Variants in PCP2 observed in about 807,000 individuals in gnomAD.
PCP2 encodes Purkinje cell protein 2.
In PCP2, 21 loss-of-function variants were observed where a neutral mutation model predicts 18.3. The ratio of observed to expected loss-of-function variants is 1.14; its 90% CI spans 0.81 to 1.65. The LOEUF (loss-of-function observed/expected upper bound fraction) is 1.65. Among genes scored for constraint, PCP2 ranks in the 40% most tolerant of loss-of-function variants. PCP2 has a pLI of 0.00. For synonymous variants in PCP2, 85 were observed against 77.6 expected (o/e 1.10, Z -0.50); for missense variants, 202 against 201.8 (o/e 1.00, Z 0.00).
rs2031427070 is a variant in PCP2 at position 7,633,600 on chromosome 19, C to G, written c.-143G>C. ...CATGCCCCATCTGCTCCCACCCAAG[C>G]TTAAGCCCCATAAAGATCATCCAGA... On this transcript the variant is annotated 5_prime_UTR_variant, in exon 1 of 4. Coordinates refer to ENST00000311069, the MANE Select transcript of PCP2 (RefSeq NM_174895.3). The G allele has an allele frequency of 2.7e-6, 2 of 737,958 alleles. No individual in the cohort carries two copies. The highest frequency in any genetic ancestry group is 4.5e-6 in the Non-Finnish European group (2 of 443,012). The allele number at this position is 737,958 out of a possible 1,614,324, so 45.7% of individuals were successfully genotyped here.
Position 7,632,850 on chromosome 19 carries a change from G to A in PCP2, c.52-20C>T. 1.3e-6 allele frequency: 2 copies of A among 1,542,944 alleles called. No homozygotes were observed. Among genetic ancestry groups the A allele is most frequent in the Non-Finnish European group, 8.7e-7 (1 of 1,146,620 alleles). ...GCCCGCCTGGGGACAGACTCGCTCA[G>A]TCTGGTTGGCCCTTCAGCTTGGGGG... On this transcript the variant is annotated intron_variant, in intron 1 of 3. Coordinates refer to ENST00000311069, the MANE Select transcript of PCP2 (RefSeq NM_174895.3). This position sits in a 1 kb window ranked among gnomAD's most constrained non-coding sequence, Gnocchi z 5.2.
chr19:7,635,940 G>A (rs894428428), upstream of PCP2, among the ~76,000 whole-genome samples: 2 of 152,018 alleles, frequency 1.3e-5, no homozygotes, highest in Non-Finnish European at 2.9e-5. Flanking sequence ...TCTTAAGCTC[G>A]GGGCTCCTCC....
Position 7,632,488 on chromosome 19 carries a change from G to A in PCP2, c.196C>T (p.Leu66Phe), listed in dbSNP as rs752525451. ...QSDPTPEMDS[L>F]MDMLASTQGR... ...TGGGTACTGGCCAGCATGTCCATGA[G>A]GCTGTCCATCTCGGGGGTGGGGTCG... The change falls in exon 3 of 4, where the codon CTC (leucine) becomes TTC (phenylalanine). Residue 66 changes from leucine (L) to phenylalanine (F), a missense_variant. Leu to Phe is a conservative substitution (Grantham distance 22, BLOSUM62 0). Transcript: ENST00000311069. The surrounding 1 kb of genome is among the most constrained non-coding windows in gnomAD (Gnocchi z 5.2). 5 of 1,613,744 alleles carry A rather than the reference G, an allele frequency of 3.1e-6. No homozygotes were observed. The highest frequency in any genetic ancestry group is 2.5e-6 in the Non-Finnish European group (3 of 1,179,958).
At position 7,632,587 on chromosome 19, in the gene PCP2, CCA is replaced by C; in HGVS notation, c.167-72_167-71del. 2 of 1,598,626 alleles carry C rather than the reference CCA, an allele frequency of 1.3e-6. No individual in the cohort carries two copies. Among genetic ancestry groups the C allele is most frequent in the Non-Finnish European group, 1.7e-6 (2 of 1,173,546 alleles). ...GGCCCCCAACCCTACCCCTTCACCC[CCA>C]CACAGATGCTTCAGGGTGCACAACC... On this transcript the variant is annotated intron_variant, in intron 2 of 3. Coordinates refer to ENST00000311069, the MANE Select transcript of PCP2 (RefSeq NM_174895.3). This position sits in a 1 kb window ranked among gnomAD's most constrained non-coding sequence, Gnocchi z 5.2.
Position 7,632,604 on chromosome 19 carries a change from G to C in PCP2, c.167-87C>G. On this transcript the variant is annotated intron_variant, in intron 2 of 3. Transcript: ENST00000311069. This position sits in a 1 kb window ranked among gnomAD's most constrained non-coding sequence, Gnocchi z 5.2. Reference sequence around the variant, plus strand: ...CTTCACCCCCACACAGATGCTTCAGGGTGCACAACCACCTCCCACATCCCG... The same window carrying C: ...CTTCACCCCCACACAGATGCTTCAGCGTGCACAACCACCTCCCACATCCCG... 6 of 1,591,190 alleles carry C rather than the reference G, an allele frequency of 3.8e-6. No individual in the cohort carries two copies. Among genetic ancestry groups the C allele is most frequent in the Non-Finnish European group, 5.1e-6 (6 of 1,170,372 alleles).
In PCP2 at chr19:7,632,427, C is replaced by T. The variant is rs375915925; in HGVS notation, c.257G>A (p.Ser86Asn). 1 of 1,613,878 alleles carries T rather than the reference C, an allele frequency of 6.2e-7. No homozygotes were observed. Among genetic ancestry groups the T allele is most frequent in the African/African-American group, 1.3e-5 (1 of 74,906 alleles). Residue 86 changes from serine to asparagine, a missense_variant, in exon 3 of 4, where the codon AGC (serine) becomes AAC (asparagine). Ser to Asn is a conservative substitution (Grantham distance 46). Transcript: ENST00000311069. The surrounding 1 kb of genome is among the most constrained non-coding windows in gnomAD (Gnocchi z 5.2). ...RRMDDQRVTV[S>N]SLPGFQPVGS... ...CACGGGCTGGAAGCCGGGCAGGCTG[C>T]TGACTGTCACACGTTGGTCATCCAT...
rs1599380426 is a variant in PCP2, at chr19:7,632,629, G to A, written c.166+87C>T. On this transcript the variant is annotated intron_variant, in intron 2 of 3. Coordinates refer to ENST00000311069, the MANE Select transcript of PCP2 (RefSeq NM_174895.3). This position sits in a 1 kb window ranked among gnomAD's most constrained non-coding sequence, Gnocchi z 5.2. The stretch of plus-strand genomic sequence containing the variant: ...GGTGCACAACCACCTCCCACATCCC[G>A]TGCCCCCAGGCCCTCCAGATGACCA... The A allele has an allele frequency of 6.3e-6, 10 of 1,576,146 alleles. No homozygotes were observed. In the African/African-American group the frequency reaches 6.7e-5, roughly 11 times the overall value.
rs1208727647 is a variant in PCP2, at chr19:7,632,120, A to AG, written c.291+272dup. On this transcript the variant is annotated intron_variant, in intron 3 of 3. Coordinates refer to ENST00000311069, the MANE Select transcript of PCP2 (RefSeq NM_174895.3). The surrounding 1 kb of genome is among the most constrained non-coding windows in gnomAD (Gnocchi z 5.2). ...TCCTCCCTGGGATACTTTCCTAGGA[A>AG]GGGGTCCTATTTTCTCCCTTTGGCC... The AG allele has an allele frequency of 1.7e-6, 1 of 574,168 alleles. No individual in the cohort carries two copies. The highest frequency in any genetic ancestry group is 2.9e-5 in the East Asian group (1 of 34,208). The allele number at this position is 574,168 out of a possible 1,614,324, so 35.6% of individuals were successfully genotyped here.
At chr19:7,636,267 C>T (rs2031529363), upstream of PCP2, 1 of 152,170 alleles carries the variant, frequency 6.6e-6, no homozygotes, top group Non-Finnish European at 1.5e-5. Context: ...ACACATACCT[C>T]GCACCTTAAA....
rs546097542 is a variant in PCP2 at position 7,631,727 on chromosome 19, G to C, written c.373C>G (p.Arg125Gly). 3.5e-6 allele frequency: 5 copies of C among 1,446,418 alleles called. No homozygotes were observed. The highest frequency in any genetic ancestry group is 3.6e-6 in the Non-Finnish European group (4 of 1,097,786). The allele number at this position is 1,446,418 out of a possible 1,614,324, so 89.6% of individuals were successfully genotyped here. The stretch of plus-strand genomic sequence containing the variant: ...GTCGGGGGCTGGGGGCTGCTGTTCC[G>C]ACGGAAGCCGAGAGCGGTCGGGTCC... ...PQDPTALGFR[R>G]NSSPQPPTQA... The change falls in exon 4 of 4, where the codon CGG becomes GGG. Residue 125 changes from arginine to glycine, a missense_variant. By Grantham distance (125) the Arg-to-Gly change is moderately radical. Transcript: ENST00000311069.
upstream of PCP2, chr19:7,633,917 GGA>G (rs2031437317): frequency 6.3e-6 from 1 of 159,624 alleles, no homozygotes; most frequent in African/African-American, 2.4e-5. Context: ...AAAGGAGGTT[GGA>G]GTCAAAGGCC....
Position 7,632,476 on chromosome 19 carries a change from G to T in PCP2, c.208C>A (p.Leu70Met). 6.2e-7 allele frequency: 1 copy of T among 1,613,844 alleles called. No individual in the cohort carries two copies. Residue 70 changes from leucine to methionine, a missense_variant, in exon 3 of 4, where the codon CTG becomes ATG. Physicochemically the swap from Leu to Met is conservative, Grantham distance 15. Coordinates refer to ENST00000311069, the MANE Select transcript of PCP2 (RefSeq NM_174895.3). The surrounding 1 kb of genome is among the most constrained non-coding windows in gnomAD (Gnocchi z 5.2). The part of the protein sequence containing the change: ...TPEMDSLMDM[L>M]ASTQGRRMDD... ...ATGCGGCGGCCCTGGGTACTGGCCA[G>T]CATGTCCATGAGGCTGTCCATCTCG... is the stretch of plus-strand genomic sequence containing the variant.
chr19:7,634,082 A>G (rs2031441765), upstream of PCP2, among the ~76,000 whole-genome samples: 1 of 152,036 alleles, frequency 6.6e-6, no homozygotes, highest in Admixed American at 6.5e-5. Flanking sequence ...AGACCCCAAA[A>G]CAAGAAAGTC....
At chr19:7,633,100 C>A (rs2031400207) in intron 1 of PCP2, 2 of 1,141,662 alleles carry the variant, frequency 1.8e-6, no homozygotes, top group Admixed American at 5.9e-5. Flanking sequence ...GCGTGTCCCG[C>A]CGTCCTAGAT....
In PCP2 at chr19:7,632,232, C is replaced by T. The variant is rs1264315609; in HGVS notation, c.291+161G>A. 6.6e-6 allele frequency among the ~76,000 whole-genome samples: 1 copy of T among 152,206 alleles called. No homozygotes were observed. Among genetic ancestry groups the T allele is most frequent in the Non-Finnish European group, 1.5e-5 (1 of 68,028 alleles). On this transcript the variant is annotated intron_variant, in intron 3 of 3. Coordinates refer to ENST00000311069, the MANE Select transcript of PCP2 (RefSeq NM_174895.3). This position sits in a 1 kb window ranked among gnomAD's most constrained non-coding sequence, Gnocchi z 5.2. ...GCATGGCCCCTGTATAACCTTGGGCCCCTCTAGCCACTGCCTGGGCCTTGG... is the reference window on the plus strand; with the variant it reads ...GCATGGCCCCTGTATAACCTTGGGCTCCTCTAGCCACTGCCTGGGCCTTGG...
rs773238257 is a variant in PCP2 at position 7,633,408 on chromosome 19, T to G, written c.50A>C (p.Glu17Ala). The stretch of plus-strand genomic sequence containing the variant: ...GGGGTGGGGGCAGGGCCCTCTCACC[T>G]CGGCACAGGGGCCTGAGCCTTCCTC... ...KTEEGSGPCA[E>A]AGSPDQEGFF... The change falls in exon 1 of 4, where the codon GAG (glutamate) becomes GCG (alanine). Residue 17 changes from glutamate (E) to alanine (A), a missense_variant and splice_region_variant. Transcript: ENST00000311069. 6 of 1,569,918 alleles carry G rather than the reference T, an allele frequency of 3.8e-6. No homozygotes were observed. The South Asian group carries it at 7.0e-5, about 18-fold the overall frequency.
In PCP2 at chr19:7,632,099, C is replaced by T; in HGVS notation, c.292-291G>A. 2 of 563,182 alleles carry T rather than the reference C, an allele frequency of 3.6e-6. No homozygotes were observed. Among genetic ancestry groups the T allele is most frequent in the African/African-American group, 1.9e-5 (1 of 53,304 alleles). The allele number at this position is 563,182 out of a possible 1,614,324, so 34.9% of individuals were successfully genotyped here. A position where few individuals can be genotyped will look rare whatever the true frequency, so the allele number is the denominator to read the frequency against. ...TATGTGTGAGCTTACGTGACTTCCTCCCTGGGATACTTTCCTAGGAAGGGG... is the reference window on the plus strand; with the variant it reads ...TATGTGTGAGCTTACGTGACTTCCTTCCTGGGATACTTTCCTAGGAAGGGG... On this transcript the variant is annotated intron_variant, in intron 3 of 3. Coordinates refer to ENST00000311069, the MANE Select transcript of PCP2 (RefSeq NM_174895.3). This position sits in a 1 kb window ranked among gnomAD's most constrained non-coding sequence, Gnocchi z 5.2.
At chr19:7,634,387 G>A (rs1478715437), upstream of PCP2, among the ~76,000 whole-genome samples, 1 of 152,154 alleles carries the variant, frequency 6.6e-6, no homozygotes, top group Non-Finnish European at 1.5e-5. Context: ...CTCTGCCCGA[G>A]CCTCCTCTGT....
Position 7,631,730 on chromosome 19 carries a change from G to T in PCP2, c.370C>A (p.Arg124Ser). Residue 124 changes from arginine (R) to serine (S), a missense_variant, in exon 4 of 4, where the codon CGT becomes AGT. Physicochemically the swap from Arg to Ser is moderately radical, Grantham distance 110. Coordinates refer to ENST00000311069, the MANE Select transcript of PCP2 (RefSeq NM_174895.3). ...TPQDPTALGF[R>S]RNSSPQPPTQ... ...GGGGGCTGGGGGCTGCTGTTCCGAC[G>T]GAAGCCGAGAGCGGTCGGGTCCTGA... is the stretch of plus-strand genomic sequence containing the variant. 3 of 1,447,888 alleles carry T rather than the reference G, an allele frequency of 2.1e-6. No homozygotes were observed. The highest frequency in any genetic ancestry group is 1.6e-5 in the South Asian group (1 of 63,876). The allele number at this position is 1,447,888 out of a possible 1,614,324, so 89.7% of individuals were successfully genotyped here.
Sources: gnomAD v4.1 joint callset for allele counts (sites outside exome capture counted in the v4.1 genomes callset) on GRCh38, gnomAD v4.1.1 for gene constraint, Gnocchi (gnomAD v3.1) non-coding constraint, MANE v1.5 for transcripts, NCBI Gene and HGNC (gene_info 2026-07-23, HGNC 2026-07-21) for gene names.